The following PLXDC1 variants were observed in gnomAD, a reference collection of about 807,000 sequenced individuals.
PLXDC1 encodes plexin domain-containing protein 1.
In PLXDC1, 39 loss-of-function variants were observed where a neutral mutation model predicts 61.3. The ratio of observed to expected loss-of-function variants is 0.64; its 90% CI spans 0.49 to 0.83. PLXDC1 has a LOEUF of 0.83. Ranked by LOEUF, PLXDC1 falls within the 40% of genes least tolerant of loss-of-function variation. The probability of loss-of-function intolerance (pLI) is 0.00; values close to 1 mark genes in which losing one functional copy is unlikely to be tolerated. For missense variants in PLXDC1, 596 were observed against 666.5 expected, an observed-to-expected ratio of 0.89 and a Z score of 1.17; for synonymous variants, 212 against 254.5, an observed-to-expected ratio of 0.83 and a Z score of 1.59.
intron 2 of PLXDC1, among the ~76,000 whole-genome samples, chr17:39,112,659 ACGAGCCC>A (rs1308177672): frequency 6.6e-6 from 1 of 151,982 alleles, no homozygotes; most frequent in African/African-American, 2.4e-5. Context: ...CCCCTGAACT[ACGAGCCC>A]CTGACACGCA....
chr17:39,110,855 G>C (rs989237462), intron 2 of PLXDC1, among the ~76,000 whole-genome samples: 16 of 152,208 alleles, frequency 1.1e-4, no homozygotes, highest in African/African-American at 3.9e-4. Context: ...GGGACGATGA[G>C]CGGAAGAAGC....
At chr17:39,104,626 A>G (rs1026052461) in intron 7 of PLXDC1, among the ~76,000 whole-genome samples, 1 of 152,160 alleles carries the variant, frequency 6.6e-6, no homozygotes, top group Non-Finnish European at 1.5e-5. Context: ...TCTACAAAAA[A>G]TAACAAAATT....
chr17:39,084,328 C>T (rs1909667148), intron 8 of PLXDC1, among the ~76,000 whole-genome samples: 1 of 152,176 alleles, frequency 6.6e-6, no homozygotes, highest in Non-Finnish European at 1.5e-5. Flanking sequence ...ATTTTAGCTG[C>T]TCTTGCCACA....
chr17:39,103,804 C>G (rs1447633263), intron 7 of PLXDC1, among the ~76,000 whole-genome samples: 2 of 148,982 alleles, frequency 1.3e-5, no homozygotes, highest in African/African-American at 5.0e-5. Context: ...CAAGATCGTG[C>G]CACTGCACTC....
chr17:39,095,909 CCCG>C, intron 7 of PLXDC1, among the ~76,000 whole-genome samples: 1 of 152,194 alleles, frequency 6.6e-6, no homozygotes, highest in Non-Finnish European at 1.5e-5. Flanking sequence ...AAACGATCCA[CCCG>C]CCTCGGCCTC....
chr17:39,128,209 G>GTGTGTATATATATGTACATATATA (rs1567769712), intron 2 of PLXDC1, among the ~76,000 whole-genome samples: 7 of 129,834 alleles, frequency 5.4e-5, no homozygotes, highest in Non-Finnish European at 1.1e-4. Context: ...GTATATATAT[G>GTGTGTATATATATGTACATATATA]TGTGTGTGTA....
At chr17:39,140,436 G>T (rs1020449347) in intron 1 of PLXDC1, among the ~76,000 whole-genome samples, 1 of 152,232 alleles carries the variant, frequency 6.6e-6, no homozygotes, top group Non-Finnish European at 1.5e-5. Context: ...CTCCCGAGTA[G>T]CTGGGACTAC....
chr17:39,087,802 G>A (rs1318284609), intron 7 of PLXDC1, 100 bp from the exon 8 acceptor site: 1 of 774,176 alleles, frequency 1.3e-6, no homozygotes, highest in East Asian at 2.7e-5. Context: ...CTGCACTGAA[G>A]GCAGTAAGTG....
intron 2 of PLXDC1, among the ~76,000 whole-genome samples, chr17:39,111,105 C>G (rs1033021831): frequency 2.6e-5 from 4 of 152,144 alleles, no homozygotes; most frequent in African/African-American, 4.8e-5. Context: ...AGCTCCTTCT[C>G]TCTCCTCTCA....
intron 12 of PLXDC1, among the ~76,000 whole-genome samples, chr17:39,071,706 A>G (rs1028352581): frequency 1.3e-5 from 2 of 151,778 alleles, no homozygotes; most frequent in Non-Finnish European, 2.9e-5. Context: ...CACCCCCACA[A>G]CACACACACA....
intron 6 of PLXDC1, among the ~76,000 whole-genome samples, chr17:39,106,859 C>T (rs1415042843): frequency 6.6e-6 from 1 of 151,812 alleles, no homozygotes; most frequent in Non-Finnish European, 1.5e-5. Context: ...ATCATGTTGG[C>T]CAGGCTGGTC....
At chr17:39,076,822 AT>A (rs1326614986) in intron 11 of PLXDC1, among the ~76,000 whole-genome samples, 1 of 152,046 alleles carries the variant, frequency 6.6e-6, no homozygotes, top group Admixed American at 6.6e-5. Flanking sequence ...TGCAACCTCC[AT>A]CTCCCAGGTT....
At chr17:39,152,732 C>T (rs903002163), upstream of PLXDC1, 1 of 1,198,742 alleles carries the variant, frequency 8.3e-7, no homozygotes, top group African/African-American at 1.6e-5. Flanking sequence ...AGAAGGTACA[C>T]TGTGGGCTGG....
chr17:39,139,681 C>T lies in PLXDC1; in HGVS notation c.228G>A (p.Thr76=), dbSNP rs979836313. ...DLGGGTLAMD[T]LPDNRTRVVE... ...CCACCCTGGTCCTGTTATCTGGCAG[C>T]GTGTCCATGGCCAGGGTGCCCCCAC... Residue 76 remains threonine (T), a synonymous_variant, in exon 2 of 14, where the codon ACG becomes ACA. Transcript: ENST00000315392. The T allele has an allele frequency of 9.3e-6, 15 of 1,613,466 alleles. No individual in the cohort carries two copies. The highest frequency in any genetic ancestry group is 4.4e-5 in the South Asian group (4 of 91,034).
rs1212800094 is a variant in PLXDC1, at chr17:39,107,831, A to T, written c.592+292T>A. 3 of 567,222 alleles carry T rather than the reference A, an allele frequency of 5.3e-6. No individual in the cohort carries two copies. In the Admixed American group the frequency reaches 9.1e-5, roughly 17 times the overall value. 35.1% of individuals were successfully genotyped at this position (567,222 alleles called of 1,614,324 possible). On this transcript the variant is annotated intron_variant, in intron 5 of 13. Transcript: ENST00000315392. ...GGAATGTCTGTTCTCCTGGATTCAG[A>T]CGGGGCTCAAGGGACATCCTGGTGA...
intron 2 of PLXDC1, among the ~76,000 whole-genome samples, chr17:39,135,148 C>T (rs1377365506): frequency 6.6e-6 from 1 of 152,250 alleles, no homozygotes; most frequent in East Asian, 1.9e-4. Context: ...CCTGACCTGA[C>T]ATCTGCACTC....
At chr17:39,090,364 C>A (rs1393890223) in intron 7 of PLXDC1, among the ~76,000 whole-genome samples, 3 of 152,148 alleles carry the variant, frequency 2.0e-5, no homozygotes, top group Non-Finnish European at 4.4e-5. Context: ...AATGCTGGTG[C>A]CCCCCACTCC....
intron 7 of PLXDC1, chr17:39,097,103 G>A (rs1210317467): frequency 2.4e-6 from 1 of 422,530 alleles, no homozygotes; most frequent in African/African-American, 2.1e-5. Context: ...TTGCCTAGCA[G>A]GGGTGGGGAG....
chr17:39,108,001 T>C, intron 5 of PLXDC1, 122 bp downstream of exon 5: 1 of 1,225,160 alleles, frequency 8.2e-7, no homozygotes. Flanking sequence ...CAGAGAAAGG[T>C]AGGTGGCTGC....
Sources: allele counts gnomAD v4.1 joint callset (sites outside exome capture counted in the v4.1 genomes callset), GRCh38; gene constraint gnomAD v4.1.1; transcripts MANE v1.5; gene names NCBI Gene and HGNC (gene_info 2026-07-23, HGNC 2026-07-21).